Variants in ZNF892 observed in about 807,000 individuals in gnomAD.
ZNF892 encodes the protein zinc finger protein 892.
the ZNF892 span, among the ~76,000 whole-genome samples, chr2:95,234,435 T>C: frequency 6.6e-6 from 1 of 152,344 alleles, no homozygotes; most frequent in South Asian, 2.1e-4. Context: ...TCACTCACCC[T>C]GGAAGAAGGA....
chr2:95,217,367 G>A, the ZNF892 span, among the ~76,000 whole-genome samples: 2 of 152,246 alleles, frequency 1.3e-5, no homozygotes, highest in Non-Finnish European at 1.5e-5. Context: ...GCCCCCCACC[G>A]AATTTATGTC....
the ZNF892 span, among the ~76,000 whole-genome samples, chr2:95,210,271 A>G: frequency 6.6e-6 from 1 of 150,908 alleles, no homozygotes; most frequent in East Asian, 1.9e-4. Context: ...ATGTGTGTGT[A>G]TATATATTCA....
the ZNF892 span, among the ~76,000 whole-genome samples, chr2:95,245,635 A>G: frequency 1.8e-4 from 28 of 151,950 alleles, no homozygotes; most frequent in East Asian, 5.0e-3. Context: ...ACTATAAAGA[A>G]GAAAAGAGAG....
the ZNF892 span, among the ~76,000 whole-genome samples, chr2:95,234,860 G>T: frequency 6.6e-6 from 1 of 152,258 alleles, no homozygotes; most frequent in South Asian, 2.1e-4. Context: ...ATTTGCTGGA[G>T]CAGCTCACAG....
chr2:95,250,087 C>T, the ZNF892 span, among the ~76,000 whole-genome samples: 1 of 151,936 alleles, frequency 6.6e-6, no homozygotes, highest in Non-Finnish European at 1.5e-5. Flanking sequence ...ATAAATCAGG[C>T]AATATTTTAA....
the ZNF892 span, among the ~76,000 whole-genome samples, chr2:95,245,787 A>G: frequency 6.6e-6 from 1 of 152,106 alleles, no homozygotes; most frequent in Non-Finnish European, 1.5e-5. Context: ...AAAATACTGG[A>G]CACATACACC....
chr2:95,250,373 C>G, the ZNF892 span, among the ~76,000 whole-genome samples: 1 of 151,692 alleles, frequency 6.6e-6, no homozygotes, highest in East Asian at 1.9e-4. Context: ...AACCAACAAA[C>G]TTAAACTAGC....
the ZNF892 span, among the ~76,000 whole-genome samples, chr2:95,249,229 ATATTTTTTT>A: frequency 1.1e-4 from 8 of 70,622 alleles, no homozygotes; most frequent in African/African-American, 1.5e-4. Context: ...ATATATATAT[ATATTTTTTT>A]TTTTTTTTTT....
the ZNF892 span, among the ~76,000 whole-genome samples, chr2:95,207,107 T>C: frequency 1.3e-5 from 2 of 152,154 alleles, no homozygotes; most frequent in Non-Finnish European, 2.9e-5. Flanking sequence ...CAAACATCCC[T>C]GGTTAAAGTA....
the ZNF892 span, among the ~76,000 whole-genome samples, chr2:95,248,028 A>C: frequency 6.6e-6 from 1 of 152,246 alleles, no homozygotes; most frequent in Non-Finnish European, 1.5e-5. Context: ...CCAAAAAGAC[A>C]CACACACTCA....
the ZNF892 span, among the ~76,000 whole-genome samples, chr2:95,260,025 C>T: frequency 6.6e-6 from 1 of 152,182 alleles, no homozygotes; most frequent in Admixed American, 6.5e-5. Context: ...AAACCTGGAT[C>T]CTGGAGGTGC....
At chr2:95,251,425 T>G in the ZNF892 span, among the ~76,000 whole-genome samples, 6 of 152,338 alleles carry the variant, frequency 3.9e-5, no homozygotes, top group East Asian at 9.6e-4. Flanking sequence ...ACTTTAATTA[T>G]GACTCAAAGC....
At chr2:95,244,536 A>G in the ZNF892 span, among the ~76,000 whole-genome samples, 2 of 152,224 alleles carry the variant, frequency 1.3e-5, no homozygotes, top group African/African-American at 4.8e-5. Context: ...ACCCATATTC[A>G]TAAAGCAAGT....
chr2:95,218,296 A>G, the ZNF892 span, among the ~76,000 whole-genome samples: 2 of 152,138 alleles, frequency 1.3e-5, no homozygotes, highest in Non-Finnish European at 1.5e-5. Context: ...CTCTCCTCTC[A>G]CATTTTACTA....
chr2:95,217,288 T>A, the ZNF892 span, among the ~76,000 whole-genome samples: 2 of 152,194 alleles, frequency 1.3e-5, no homozygotes, highest in Non-Finnish European at 2.9e-5. Context: ...TGAATTCACA[T>A]TGGGGATTAG....
At chr2:95,239,912 G>A in the ZNF892 span, among the ~76,000 whole-genome samples, 2 of 152,202 alleles carry the variant, frequency 1.3e-5, no homozygotes, top group Non-Finnish European at 2.9e-5. Context: ...TTACGGGTAT[G>A]AGCCACTGTG....
the ZNF892 span, chr2:95,214,992 C>T: frequency 2.0e-6 from 1 of 500,948 alleles, no homozygotes; most frequent in Non-Finnish European, 3.6e-6. Flanking sequence ...GAGTTCATAC[C>T]TCACTCAACA....
the ZNF892 span, among the ~76,000 whole-genome samples, chr2:95,217,679 A>G: frequency 6.3e-4 from 96 of 152,348 alleles, no homozygotes; most frequent in Non-Finnish European, 1.2e-3. Context: ...AAAACTTAGC[A>G]AGGCAAATTC....
At chr2:95,215,541 T>G in the ZNF892 span, 2 of 409,474 alleles carry the variant, frequency 4.9e-6, no homozygotes, top group African/African-American at 2.1e-5. Flanking sequence ...AACCAAGAAA[T>G]ATGTCCAAGC....
Sources: gnomAD v4.1 joint callset for allele counts (sites outside exome capture counted in the v4.1 genomes callset) on GRCh38, gnomAD v4.1.1 for gene constraint, MANE v1.5 for transcripts, NCBI Gene and HGNC (gene_info 2026-07-23, HGNC 2026-07-21) for gene names.